Variants in KIF26A observed in about 807,000 individuals in gnomAD.
KIF26A encodes the protein kinesin family member 26A, also known as kinesin-like protein KIF26A.
In KIF26A, 74 loss-of-function variants were observed where a neutral mutation model predicts 126.0. That is an observed-to-expected ratio of 0.59 (90% CI 0.49 to 0.71). KIF26A has a LOEUF of 0.71. Among genes scored for constraint, KIF26A ranks in the 30% least tolerant of loss-of-function variants. The pLI is 0.00. For synonymous variants in KIF26A, 1,445 were observed against 1,232.7 expected (o/e 1.17, Z -3.61); for missense variants, 2,984 against 2,763.3 (o/e 1.08, Z -1.79).
Position 104,171,681 on chromosome 14 carries a change from G to A in KIF26A, c.1114-42G>A, listed in dbSNP as rs567988905. 4 of 1,504,746 alleles carry A rather than the reference G, an allele frequency of 2.7e-6. No individual in the cohort carries two copies. The South Asian group carries it at 3.6e-5, about 14-fold the overall frequency. The allele number at this position is 1,504,746 out of a possible 1,614,324, so 93.2% of individuals were successfully genotyped here. A position where few individuals can be genotyped will look rare whatever the true frequency, so the allele number is the denominator to read the frequency against. On this transcript the variant is annotated intron_variant, in intron 5 of 14. Coordinates refer to ENST00000423312, the MANE Select transcript of KIF26A (RefSeq NM_015656.2). ...CCTGCCCTGTAATTAGTGGCCGGCTGGGCGGAGGCAGCTTCTCAGGTGCCG... is the reference window on the plus strand; with the variant it reads ...CCTGCCCTGTAATTAGTGGCCGGCTAGGCGGAGGCAGCTTCTCAGGTGCCG...
Position 104,180,030 on chromosome 14 carries a change from C to T in KIF26A, c.*240C>T, listed in dbSNP as rs751225908. ...CCGACAGCAACGCAAGTGCCTTTGACCTTGATTTGGACTTTTCTCCCTTTT... is the reference window on the plus strand; with the variant it reads ...CCGACAGCAACGCAAGTGCCTTTGATCTTGATTTGGACTTTTCTCCCTTTT... On this transcript the variant is annotated 3_prime_UTR_variant, in exon 15 of 15. Coordinates refer to ENST00000423312, the MANE Select transcript of KIF26A (RefSeq NM_015656.2). 16 of 443,732 alleles carry T rather than the reference C, an allele frequency of 3.6e-5. No individual in the cohort carries two copies. Among genetic ancestry groups the T allele is most frequent in the Non-Finnish European group, 5.5e-5 (14 of 253,422 alleles). 27.5% of individuals were successfully genotyped at this position (443,732 alleles called of 1,614,324 possible). A position where few individuals can be genotyped will look rare whatever the true frequency, so the allele number is the denominator to read the frequency against.
At chr14:104,154,016 C>G (rs144470160) in intron 3 of KIF26A, among the ~76,000 whole-genome samples, 1 of 152,144 alleles carries the variant, frequency 6.6e-6, no homozygotes, top group African/African-American at 2.4e-5. Context: ...TCCGGGCGAT[C>G]GATAGGGAGA....
intron 4 of KIF26A, 84 bp from the exon 5 acceptor site, chr14:104,166,775 G>A (rs763590062): frequency 1.3e-4 from 167 of 1,287,028 alleles, no homozygotes; most frequent in Non-Finnish European, 1.7e-4. Context: ...GTCCCAGGGT[G>A]GGATCGCCTG....
At chr14:104,170,764 G>C (rs77011921) in intron 5 of KIF26A, among the ~76,000 whole-genome samples, 6,630 of 152,362 alleles carry the variant, frequency 0.044, 187 homozygotes, top group Non-Finnish European at 0.063. Context: ...CCCTGCTGTG[G>C]ATGGGTTTCG....
chr14:104,173,771 G>T lies in KIF26A; in HGVS notation c.1933G>T (p.Ala645Ser). ...LGSCEAAAGR[A>S]GEAAGGPLCL... ...CAGCTGTGAGGCGGCGGCTGGCAGGGCCGGGGAGGCTGCTGGGGGTCCCCT... is the reference window on the plus strand; with the variant it reads ...CAGCTGTGAGGCGGCGGCTGGCAGGTCCGGGGAGGCTGCTGGGGGTCCCCT... The change falls in exon 10 of 15, where the codon GCC becomes TCC. Residue 645 changes from alanine (A) to serine (S), a missense_variant. Ala to Ser is a moderately conservative substitution (Grantham distance 99, BLOSUM62 1). Transcript: ENST00000423312. 1 of 1,608,758 alleles carries T rather than the reference G, an allele frequency of 6.2e-7. No individual in the cohort carries two copies. Among genetic ancestry groups the T allele is most frequent in the East Asian group, 2.2e-5 (1 of 44,872 alleles).
At chr14:104,167,408 G>C (rs1045269410) in intron 5 of KIF26A, among the ~76,000 whole-genome samples, 1 of 152,112 alleles carries the variant, frequency 6.6e-6, no homozygotes, top group African/African-American at 2.4e-5. Flanking sequence ...GAGGGGGCTG[G>C]GGGCAGGAGG....
rs2141120414 is a variant in KIF26A at position 104,177,324 on chromosome 14, G to A, written c.4536G>A (p.Gly1512=). ...GLVAGGSRAL[G]PSVKLSTASV... ...TGGCTGGTGGGTCGCGGGCTCTGGGGCCTTCGGTGAAGCTGTCTACGGCCT... is the reference window on the plus strand; with the variant it reads ...TGGCTGGTGGGTCGCGGGCTCTGGGACCTTCGGTGAAGCTGTCTACGGCCT... Residue 1512 remains glycine, a synonymous_variant, in exon 12 of 15, where the codon GGG becomes GGA. Coordinates refer to ENST00000423312, the MANE Select transcript of KIF26A (RefSeq NM_015656.2). The A allele has an allele frequency of 6.5e-7, 1 of 1,528,836 alleles. No individual in the cohort carries two copies. The allele number at this position is 1,528,836 out of a possible 1,614,324, so 94.7% of individuals were successfully genotyped here.
At chr14:104,143,013 C>T (rs1291089416) in intron 2 of KIF26A, among the ~76,000 whole-genome samples, 2 of 152,260 alleles carry the variant, frequency 1.3e-5, no homozygotes, top group Admixed American at 1.3e-4. Context: ...CTTGGGGATC[C>T]ATTCCAGCTG....
rs1009689919 is a variant in KIF26A, at chr14:104,171,860, C to T, written c.1251C>T (p.Gly417=). ...CCGCCGGTCCCCCAGGCAGCGCAGG[C>T]CCCCGGCGAGCCGCCACTGCTGCAG... ...DPAAGPPGSA[G]PRRAATAAVP... The change falls in exon 6 of 15, where the codon GGC becomes GGT. Residue 417 remains glycine, a synonymous_variant. Transcript: ENST00000423312. 4.5e-6 allele frequency: 7 copies of T among 1,555,312 alleles called. No individual in the cohort carries two copies. The highest frequency in any genetic ancestry group is 2.4e-5 in the East Asian group (1 of 41,128).
In KIF26A at chr14:104,176,675, G is replaced by T. The variant is rs2141119464; in HGVS notation, c.3887G>T (p.Arg1296Met). 6.3e-7 allele frequency: 1 copy of T among 1,597,542 alleles called. No individual in the cohort carries two copies. The highest frequency in any genetic ancestry group is 1.3e-5 in the African/African-American group (1 of 74,858). ...GCEVAARAAR[R>M]PEAVARIPPL... ...GAGGTGGCAGCCAGGGCGGCCCGCA[G>T]GCCAGAGGCTGTGGCTCGGATCCCA... The change falls in exon 12 of 15, where the codon AGG (arginine) becomes ATG (methionine). Residue 1296 changes from arginine to methionine, a missense_variant. By Grantham distance (91) the Arg-to-Met change is moderately conservative. Coordinates refer to ENST00000423312, the MANE Select transcript of KIF26A (RefSeq NM_015656.2).
At chr14:104,157,150 G>A (rs971628745) in intron 3 of KIF26A, among the ~76,000 whole-genome samples, 4 of 152,198 alleles carry the variant, frequency 2.6e-5, no homozygotes, top group African/African-American at 4.8e-5. Context: ...CGTTTGCTGG[G>A]CTGTCCCGGG....
At chr14:104,169,560 C>T (rs2037938318) in intron 5 of KIF26A, among the ~76,000 whole-genome samples, 4 of 152,308 alleles carry the variant, frequency 2.6e-5, no homozygotes, top group African/African-American at 4.8e-5. Flanking sequence ...CCCAGCTCCC[C>T]GGGTGTTATT....
Position 104,172,983 on chromosome 14 carries a change from C to T in KIF26A, c.1427C>T (p.Ser476Leu), listed in dbSNP as rs772147308. ...FSFGHMSLGK[S>L]YTMIGKDSSP... is the part of the protein sequence containing the mutation. ...ACGCCTGCGTGGCCCCCAGGCAAGT[C>T]GTACACCATGATCGGGAAGGACAGC... Residue 476 changes from serine (S) to leucine (L), a missense_variant, in exon 8 of 15, where the codon TCG becomes TTG. Coordinates refer to ENST00000423312, the MANE Select transcript of KIF26A (RefSeq NM_015656.2). 1.9e-6 allele frequency: 3 copies of T among 1,594,242 alleles called. No homozygotes were observed. Among genetic ancestry groups the T allele is most frequent in the African/African-American group, 1.3e-5 (1 of 74,570 alleles).
chr14:104,162,388 C>T (rs2037841518), intron 4 of KIF26A, among the ~76,000 whole-genome samples: 1 of 152,172 alleles, frequency 6.6e-6, no homozygotes, highest in Non-Finnish European at 1.5e-5. Context: ...CCGCTGTGGC[C>T]CAGGCATACC....
intron 4 of KIF26A, among the ~76,000 whole-genome samples, chr14:104,159,011 G>A (rs763740589): frequency 6.6e-6 from 1 of 152,234 alleles, no homozygotes; most frequent in Non-Finnish European, 1.5e-5. Context: ...ATCAGCGCCG[G>A]CCCTGGGGAC....
intron 5 of KIF26A, among the ~76,000 whole-genome samples, chr14:104,169,605 A>C (rs2141112137): frequency 6.6e-6 from 1 of 152,348 alleles, no homozygotes; most frequent in East Asian, 1.9e-4. Context: ...ATGCCGCCTG[A>C]AAGGCGTTTA....
chr14:104,145,535 T>A (rs1302744078), intron 2 of KIF26A, among the ~76,000 whole-genome samples: 1 of 152,346 alleles, frequency 6.6e-6, no homozygotes, highest in South Asian at 2.1e-4. Flanking sequence ...GGACCTGGGA[T>A]GGTCGTGCTT....
intron 4 of KIF26A, among the ~76,000 whole-genome samples, chr14:104,162,008 G>A (rs540892436): frequency 1.3e-5 from 2 of 152,210 alleles, no homozygotes; most frequent in African/African-American, 4.8e-5. Context: ...CCACAGGGCC[G>A]TGGGCCCTCA....
chr14:104,157,154 T>C (rs1353587655), intron 3 of KIF26A, among the ~76,000 whole-genome samples: 1 of 152,176 alleles, frequency 6.6e-6, no homozygotes. Context: ...TGCTGGGCTG[T>C]CCCGGGCGTT....
Sources: gnomAD v4.1 joint callset for allele counts (sites outside exome capture counted in the v4.1 genomes callset) on GRCh38, gnomAD v4.1.1 for gene constraint, MANE v1.5 for transcripts, NCBI Gene and HGNC (gene_info 2026-07-23, HGNC 2026-07-21) for gene names.